Variants in EPHA3 observed in about 807,000 individuals in gnomAD.
EPHA3 encodes ephrin type-A receptor 3.
EPHA3 carries 42 observed loss-of-function variants against 107.1 expected under a neutral mutation model. That is an observed-to-expected ratio of 0.39 (90% CI 0.31 to 0.51). The LOEUF is 0.51. Ranked by LOEUF, EPHA3 falls within the 20% of genes least tolerant of loss-of-function variation. The pLI is 0.78. For synonymous variants in EPHA3, 461 were observed against 424.8 expected (o/e 1.09, Z -1.05); for missense variants, 1,183 against 1,211.2 (o/e 0.98, Z 0.35).
intron 7 of EPHA3, among the ~76,000 whole-genome samples, chr3:89,406,448 T>C (rs960056657): frequency 1.3e-5 from 2 of 152,188 alleles, no homozygotes; most frequent in African/African-American, 4.8e-5. Context: ...TTTTAGGCTT[T>C]GTGCACATCA....
intron 2 of EPHA3, among the ~76,000 whole-genome samples, chr3:89,200,936 G>C (rs552432915): frequency 6.6e-6 from 1 of 152,224 alleles, no homozygotes; most frequent in African/African-American, 2.4e-5. Flanking sequence ...CTTGTGCCCT[G>C]AGCTGCTGGG....
At chr3:89,412,557 A>C (rs1709175624) in intron 9 of EPHA3, among the ~76,000 whole-genome samples, 1 of 151,682 alleles carries the variant, frequency 6.6e-6, no homozygotes, top group Non-Finnish European at 1.5e-5. Flanking sequence ...ATACATGTAT[A>C]CACATACTAA....
chr3:89,114,654 C>T (rs538122546), intron 1 of EPHA3, among the ~76,000 whole-genome samples: 1 of 152,306 alleles, frequency 6.6e-6, no homozygotes, highest in South Asian at 2.1e-4. Context: ...TCTTTTGCTC[C>T]GGGTTTCTGC....
intron 11 of EPHA3, among the ~76,000 whole-genome samples, chr3:89,425,529 G>A (rs1709437666): frequency 6.6e-6 from 1 of 150,578 alleles, no homozygotes; most frequent in Admixed American, 6.7e-5. Context: ...ATAAGACATA[G>A]AGTGTTAGAC....
At chr3:89,454,672 T>C (rs1710061462) in intron 15 of EPHA3, among the ~76,000 whole-genome samples, 1 of 152,192 alleles carries the variant, frequency 6.6e-6, no homozygotes, top group South Asian at 2.1e-4. Flanking sequence ...GTTACACTTA[T>C]AAAAAAATCT....
At chr3:89,394,283 G>T (rs1294428714) in intron 5 of EPHA3, among the ~76,000 whole-genome samples, 1 of 152,136 alleles carries the variant, frequency 6.6e-6, no homozygotes, top group Non-Finnish European at 1.5e-5. Context: ...GGTGGCACAA[G>T]CCTGTAGTCT....
intron 5 of EPHA3, among the ~76,000 whole-genome samples, chr3:89,349,572 T>C (rs1201493326): frequency 6.8e-6 from 1 of 146,652 alleles, no homozygotes; most frequent in African/African-American, 2.5e-5. Context: ...CTTTATCCAA[T>C]TTGCCAGTCT....
intron 3 of EPHA3, among the ~76,000 whole-genome samples, chr3:89,284,184 C>T (rs1388537119): frequency 1.3e-5 from 2 of 152,056 alleles, no homozygotes; most frequent in Non-Finnish European, 2.9e-5. Flanking sequence ...CCTATTTTCA[C>T]TTTTTAAAGT....
At chr3:89,436,966 G>A (rs191353393) in intron 13 of EPHA3, among the ~76,000 whole-genome samples, 25 of 152,088 alleles carry the variant, frequency 1.6e-4, no homozygotes, top group Non-Finnish European at 2.6e-4. Flanking sequence ...GCTGTGTTAC[G>A]CAGAAATTGC....
At chr3:89,305,786 G>A (rs1706606459) in intron 3 of EPHA3, among the ~76,000 whole-genome samples, 1 of 151,968 alleles carries the variant, frequency 6.6e-6, no homozygotes, top group Admixed American at 6.6e-5. Flanking sequence ...AGACTACTTG[G>A]CCCTATTTTA....
chr3:89,194,005 A>C (rs186785509), intron 2 of EPHA3, among the ~76,000 whole-genome samples: 1 of 152,134 alleles, frequency 6.6e-6, no homozygotes. Flanking sequence ...AATGCACTAT[A>C]TATTATAGAA....
At chr3:89,136,329 G>GTTTTTTTTTTT (rs1559747476) in intron 2 of EPHA3, among the ~76,000 whole-genome samples, 10 of 23,864 alleles carry the variant, frequency 4.2e-4, no homozygotes, top group African/African-American at 1.3e-3. Flanking sequence ...AATCTTACAG[G>GTTTTTTTTTTT]CTTTTTTTTT....
intron 5 of EPHA3, among the ~76,000 whole-genome samples, chr3:89,344,835 C>A (rs114953648): frequency 6.6e-6 from 1 of 152,042 alleles, no homozygotes; most frequent in Non-Finnish European, 1.5e-5. Flanking sequence ...GATAAGGCAC[C>A]TTTTAAATTG....
chr3:89,117,003 A>G (rs1707273138), intron 1 of EPHA3, among the ~76,000 whole-genome samples: 1 of 152,074 alleles, frequency 6.6e-6, no homozygotes, highest in Non-Finnish European at 1.5e-5. Context: ...AAAGGCTCCA[A>G]ACTGAGCTGT....
At chr3:89,455,612 G>T (rs1391984135) in intron 15 of EPHA3, among the ~76,000 whole-genome samples, 1 of 152,112 alleles carries the variant, frequency 6.6e-6, no homozygotes, top group African/African-American at 2.4e-5. Context: ...AGGAGGTGGG[G>T]GTCATTTTAA....
rs572785891 is a variant in EPHA3, at chr3:89,407,475, A to T, written c.1697+104A>T. On this transcript the variant is annotated intron_variant, in intron 8 of 16. Coordinates refer to ENST00000336596, the MANE Select transcript of EPHA3 (RefSeq NM_005233.6). ...AGTGTGCTCAATAAAATATTTTAACAAATAAGAATGTCTCCACTTGTAGTT... is the reference window on the plus strand; with the variant it reads ...AGTGTGCTCAATAAAATATTTTAACTAATAAGAATGTCTCCACTTGTAGTT... 55 of 883,108 alleles carry T rather than the reference A, an allele frequency of 6.2e-5. No individual in the cohort carries two copies. The African/African-American group carries it at 8.6e-4, about 14-fold the overall frequency. The allele number at this position is 883,108 out of a possible 1,614,324, so 54.7% of individuals were successfully genotyped here.
At chr3:89,265,521 T>C (rs1447536032) in intron 3 of EPHA3, among the ~76,000 whole-genome samples, 1 of 152,206 alleles carries the variant, frequency 6.6e-6, no homozygotes, top group Non-Finnish European at 1.5e-5. Flanking sequence ...AAATATGTAA[T>C]GCAAAATGTG....
intron 15 of EPHA3, among the ~76,000 whole-genome samples, chr3:89,467,471 G>C (rs1320945314): frequency 6.6e-6 from 1 of 152,114 alleles, no homozygotes; most frequent in African/African-American, 2.4e-5. Context: ...TGATATTTGA[G>C]GAGTAAATCT....
chr3:89,240,219 C>A (rs998685688), intron 3 of EPHA3, among the ~76,000 whole-genome samples: 9 of 152,078 alleles, frequency 5.9e-5, no homozygotes, highest in Non-Finnish European at 1.2e-4. Context: ...TGATGATTTT[C>A]TGTTTTGTTT....
Sources: allele counts gnomAD v4.1 joint callset (sites outside exome capture counted in the v4.1 genomes callset), GRCh38; gene constraint gnomAD v4.1.1; transcripts MANE v1.5; gene names NCBI Gene and HGNC (gene_info 2026-07-23, HGNC 2026-07-21).